Variants in CDK14 observed in about 807,000 individuals in gnomAD.
CDK14 encodes cyclin-dependent kinase 14.
Under a neutral mutation model 60.7 loss-of-function variants are expected in CDK14, and 34 were observed. The observed-to-expected ratio is 0.56, with a 90% CI of 0.43 to 0.75. The LOEUF is 0.75. CDK14 is among the 30% of genes least tolerant of loss of function. The probability of loss-of-function intolerance (pLI) is 0.00; values close to 1 mark genes in which losing one functional copy is unlikely to be tolerated. For missense variants in CDK14, 482 were observed against 564.1 expected (o/e 0.85, Z 1.47); for synonymous variants, 197 against 203.7 (o/e 0.97, Z 0.28).
At chr7:90,808,822 C>G (rs1788971927) in intron 5 of CDK14, among the ~76,000 whole-genome samples, 1 of 152,120 alleles carries the variant, frequency 6.6e-6, no homozygotes, top group South Asian at 2.1e-4. Context: ...CAATCCTAGT[C>G]TGTGATAAGA....
At chr7:90,641,171 A>T (rs1259629469) in intron 2 of CDK14, among the ~76,000 whole-genome samples, 1 of 152,052 alleles carries the variant, frequency 6.6e-6, no homozygotes, top group Non-Finnish European at 1.5e-5. Context: ...TGGAACTCTC[A>T]TACCCTGGGA....
intron 11 of CDK14, among the ~76,000 whole-genome samples, chr7:91,058,553 T>C (rs1562886513): frequency 6.6e-6 from 1 of 152,118 alleles, no homozygotes; most frequent in South Asian, 2.1e-4. Context: ...TTGTCATAGA[T>C]AGCTTATTAT....
chr7:90,773,813 C>G (rs999268530), intron 4 of CDK14, among the ~76,000 whole-genome samples: 1 of 150,866 alleles, frequency 6.6e-6, no homozygotes, highest in Admixed American at 6.6e-5. Flanking sequence ...CTTCTCTTCT[C>G]TTCTCTCCTC....
chr7:90,681,743 G>T (rs1801323583), intron 2 of CDK14, among the ~76,000 whole-genome samples: 1 of 152,142 alleles, frequency 6.6e-6, no homozygotes, highest in Admixed American at 6.5e-5. Context: ...AGACTGCATA[G>T]ATTTAGGAGA....
At chr7:90,833,077 G>A (rs1749726187) in intron 5 of CDK14, among the ~76,000 whole-genome samples, 1 of 152,138 alleles carries the variant, frequency 6.6e-6, no homozygotes, top group African/African-American at 2.4e-5. Flanking sequence ...GAGTGATATT[G>A]GGTTATTCAG....
chr7:91,147,962 C>G (rs1435709541), intron 14 of CDK14, among the ~76,000 whole-genome samples: 1 of 152,280 alleles, frequency 6.6e-6, no homozygotes, highest in East Asian at 1.9e-4. Flanking sequence ...ATATGTCTAT[C>G]CACACACATA....
chr7:91,032,334 C>A (rs1239508750), intron 10 of CDK14, among the ~76,000 whole-genome samples: 1 of 152,044 alleles, frequency 6.6e-6, no homozygotes, highest in Admixed American at 6.5e-5. Flanking sequence ...CAAATAATAT[C>A]TTGTAAATGG....
At chr7:90,742,115 A>G (rs981508183) in intron 3 of CDK14, among the ~76,000 whole-genome samples, 7 of 151,920 alleles carry the variant, frequency 4.6e-5, no homozygotes, top group African/African-American at 1.7e-4. Context: ...TTAGTTAGTT[A>G]ATTTTGGTAA....
At chr7:90,763,547 A>T (rs1052874246) in intron 4 of CDK14, among the ~76,000 whole-genome samples, 2 of 151,888 alleles carry the variant, frequency 1.3e-5, no homozygotes, top group Admixed American at 1.3e-4. Context: ...TCTCTCAGCT[A>T]TCTGTTCTGA....
chr7:90,725,338 C>T (rs982080535), intron 2 of CDK14, among the ~76,000 whole-genome samples: 8 of 152,100 alleles, frequency 5.3e-5, no homozygotes, highest in African/African-American at 1.9e-4. Context: ...CATACACTCA[C>T]AAATATCTAT....
intron 2 of CDK14, among the ~76,000 whole-genome samples, chr7:90,622,664 G>A (rs1799795256): frequency 6.6e-6 from 1 of 152,192 alleles, no homozygotes; most frequent in Non-Finnish European, 1.5e-5. Flanking sequence ...GTGGAAGGGT[G>A]AAGCAATATC....
intron 11 of CDK14, among the ~76,000 whole-genome samples, chr7:91,069,741 A>G (rs186889926): frequency 1.1e-4 from 17 of 152,312 alleles, no homozygotes; most frequent in Admixed American, 3.3e-4. Context: ...TTTTCAGGTT[A>G]ATATATATTT....
chr7:91,147,473 A>G (rs1017553466), intron 14 of CDK14, among the ~76,000 whole-genome samples: 6 of 151,912 alleles, frequency 3.9e-5, no homozygotes, highest in African/African-American at 1.5e-4. Context: ...TGTTAACTCT[A>G]TTTTTCTAAA....
chr7:90,734,818 C>T (rs12670871), intron 3 of CDK14, among the ~76,000 whole-genome samples: 23,520 of 152,080 alleles, frequency 0.15, 1,914 homozygotes, highest in South Asian at 0.18. Flanking sequence ...TCTGTCAATT[C>T]GTCAAACTCA....
rs559896842 is a variant in CDK14, at chr7:90,698,631, A to G, written c.124-27936A>G. 1.1e-4 allele frequency among the ~76,000 whole-genome samples: 17 copies of G among 152,274 alleles called. No individual in the cohort carries two copies. In the East Asian group the frequency reaches 1.9e-3, roughly 17 times the overall value. ...GACAGATTCCTGCTTCCTGATTGGC[A>G]TCAATTATCTTACAACACCCCCAAT... On this transcript the variant is annotated intron_variant, in intron 2 of 14. Coordinates refer to ENST00000380050, the MANE Select transcript of CDK14 (RefSeq NM_001287135.2).
At chr7:91,109,142 T>C (rs564054605) in intron 12 of CDK14, among the ~76,000 whole-genome samples, 1 of 152,240 alleles carries the variant, frequency 6.6e-6, no homozygotes, top group Admixed American at 6.5e-5. Flanking sequence ...CTTCCCAACC[T>C]CTCTTGCAAA....
intron 9 of CDK14, among the ~76,000 whole-genome samples, chr7:90,966,117 G>A (rs1336607996): frequency 2.0e-5 from 3 of 151,756 alleles, no homozygotes; most frequent in South Asian, 2.1e-4. Flanking sequence ...CCTCTCTGTC[G>A]TCACTTTCTA....
At chr7:91,191,981 G>A (rs777746907) in intron 14 of CDK14, among the ~76,000 whole-genome samples, 1 of 152,054 alleles carries the variant, frequency 6.6e-6, no homozygotes, top group Non-Finnish European at 1.5e-5. Context: ...TTCTGATTGA[G>A]GAATTGTGAT....
At chr7:90,829,781 C>T (rs1030427733) in intron 5 of CDK14, among the ~76,000 whole-genome samples, 4 of 152,196 alleles carry the variant, frequency 2.6e-5, no homozygotes, top group African/African-American at 9.6e-5. Context: ...GATACACCCG[C>T]CTCGGCCTCC....
Sources: allele counts gnomAD v4.1 joint callset (sites outside exome capture counted in the v4.1 genomes callset), GRCh38; gene constraint gnomAD v4.1.1; transcripts MANE v1.5; gene names NCBI Gene and HGNC (gene_info 2026-07-23, HGNC 2026-07-21).